PIAS1: variants seen among roughly 807,000 people sequenced by gnomAD.
PIAS1 encodes the protein protein inhibitor of activated STAT 1.
Under a neutral mutation model 71.3 loss-of-function variants are expected in PIAS1, and 6 were observed. The observed-to-expected ratio is 0.08, with a 90% CI of 0.05 to 0.17. PIAS1 has a LOEUF of 0.17. PIAS1 is among the 10% of genes least tolerant of loss of function. The probability of loss-of-function intolerance (pLI) is 1.00; values close to 1 mark genes in which losing one functional copy is unlikely to be tolerated. For synonymous variants in PIAS1, 303 were observed against 292.9 expected (o/e 1.03, Z -0.35); for missense variants, 555 against 793.6 (o/e 0.70, Z 3.61).
chr15:68,109,139 C>T (rs1314534485), intron 2 of PIAS1, among the ~76,000 whole-genome samples: 2 of 152,150 alleles, frequency 1.3e-5, no homozygotes, highest in African/African-American at 4.8e-5. Context: ...TGTGTATGCT[C>T]TTGTCTTGGG....
In PIAS1 at chr15:68,098,960, G is replaced by A. The variant is rs372397452; in HGVS notation, c.469+12210G>A. Reference sequence around the variant, plus strand: ...TTGCCAAATTTCCCTCTAGAGAAAGGTGTGTTTGCTAATTTATAATCTTAC... The same window carrying A: ...TTGCCAAATTTCCCTCTAGAGAAAGATGTGTTTGCTAATTTATAATCTTAC... On this transcript the variant is annotated intron_variant, in intron 2 of 13. Coordinates refer to ENST00000249636, the MANE Select transcript of PIAS1 (RefSeq NM_016166.3). Among the ~76,000 whole-genome samples, 11 of 152,106 alleles carry A rather than the reference G, an allele frequency of 7.2e-5. 1 individual carries two copies. The highest frequency in any genetic ancestry group is 5.8e-4 in the East Asian group (3 of 5,196).
In PIAS1 at chr15:68,187,497, G is replaced by A. The variant is rs1192721642; in HGVS notation, c.1663-45G>A. ...CGCTGAGGAGAAAATATATTAATTT[G>A]GAAGTATAATTAACATTTTTGTGTC... On this transcript the variant is annotated intron_variant, in intron 13 of 13. Transcript: ENST00000249636. The surrounding 1 kb of genome is among the most constrained non-coding windows in gnomAD (Gnocchi z 5.3). 6.6e-7 allele frequency: 1 copy of A among 1,522,556 alleles called. No individual in the cohort carries two copies. The highest frequency in any genetic ancestry group is 9.1e-7 in the Non-Finnish European group (1 of 1,100,658). 94.3% of individuals were successfully genotyped at this position (1,522,556 alleles called of 1,614,324 possible).
In PIAS1 at chr15:68,173,772, C is replaced by T. The variant is rs1476119019; in HGVS notation, c.1049C>T (p.Thr350Ile). Residue 350 changes from threonine (T) to isoleucine (I), a missense_variant, in exon 9 of 14, where the codon ACA (threonine) becomes ATA (isoleucine). Thr to Ile is a moderately conservative substitution (Grantham distance 89). Around this residue, in one of 5 missense-constraint regions of PIAS1, gnomAD observed 49 missense variants for 129.2 expected, o/e 0.38. Coordinates refer to ENST00000249636, the MANE Select transcript of PIAS1 (RefSeq NM_016166.3). The surrounding 1 kb of genome is among the most constrained non-coding windows in gnomAD (Gnocchi z 4.3). ...CTGACAATTCCGTGTCGGGCCCTTA[C>T]ATGTTCTCATCTACAATGTTTTGAC... is the stretch of plus-strand genomic sequence containing the variant. Reference protein sequence around the residue: ...MRLTIPCRALTCSHLQCFDAT... With the variant: ...MRLTIPCRALICSHLQCFDAT... 1 of 1,582,340 alleles carries T rather than the reference C, an allele frequency of 6.3e-7. No homozygotes were observed. Among genetic ancestry groups the T allele is most frequent in the Admixed American group, 1.7e-5 (1 of 58,710 alleles).
chr15:68,074,569 A>G (rs1032236362), intron 1 of PIAS1, among the ~76,000 whole-genome samples: 2 of 152,338 alleles, frequency 1.3e-5, no homozygotes, highest in Admixed American at 6.5e-5. Flanking sequence ...GGTATTAAGA[A>G]TGAGTTTTCA....
chr15:68,063,596 ATG>A (rs1297823196), intron 1 of PIAS1, among the ~76,000 whole-genome samples: 1 of 152,060 alleles, frequency 6.6e-6, no homozygotes, highest in Non-Finnish European at 1.5e-5. Context: ...ATTATCACAT[ATG>A]TGTGTATATT....
intron 1 of PIAS1, among the ~76,000 whole-genome samples, chr15:68,070,963 C>CGT (rs1567026934): frequency 6.6e-6 from 1 of 151,838 alleles, no homozygotes; most frequent in African/African-American, 2.4e-5. Context: ...TTTAAAATTA[C>CGT]GTGTGTGTCT....
At position 68,141,943 on chromosome 15, in the gene PIAS1, T is replaced by C. The variant is rs1391268426; in HGVS notation, c.470-3T>C. ...TTGAAAGTATAATTCTTGTCTTCTT[T>C]AGCATCAGACAACAGTCAGCGCTTT... On this transcript the variant is annotated splice_region_variant and splice_polypyrimidine_tract_variant and intron_variant, in intron 2 of 13. Transcript: ENST00000249636. 1 of 1,587,782 alleles carries C rather than the reference T, an allele frequency of 6.3e-7. No homozygotes were observed. The highest frequency in any genetic ancestry group is 8.6e-7 in the Non-Finnish European group (1 of 1,162,276).
rs150252816 is a variant in PIAS1, at chr15:68,191,508, A to G, written c.*3673A>G. 2.0e-5 allele frequency: 3 copies of G among 152,678 alleles called. No individual in the cohort carries two copies. Among genetic ancestry groups the G allele is most frequent in the African/African-American group, 2.4e-5 (1 of 41,446 alleles). 9.5% of individuals were successfully genotyped at this position (152,678 alleles called of 1,614,324 possible). A position where few individuals can be genotyped will look rare whatever the true frequency, so the allele number is the denominator to read the frequency against. On this transcript the variant is annotated 3_prime_UTR_variant, in exon 14 of 14. Transcript: ENST00000249636. ...ACACTGCTGGATGTTCAAGGGGACAATCCCTATGAGACAAGTGATAATGGT... is the reference window on the plus strand; with the variant it reads ...ACACTGCTGGATGTTCAAGGGGACAGTCCCTATGAGACAAGTGATAATGGT...
At chr15:68,153,784 T>G in intron 7 of PIAS1, 89 bp downstream of exon 7, 1 of 692,890 alleles carries the variant, frequency 1.4e-6, no homozygotes, top group Non-Finnish European at 2.6e-6. Flanking sequence ...TTAGAATTTG[T>G]TTATTCACTG....
intron 12 of PIAS1, among the ~76,000 whole-genome samples, chr15:68,183,097 TTG>T (rs1303221507): frequency 6.6e-6 from 1 of 152,194 alleles, no homozygotes; most frequent in African/African-American, 2.4e-5. Context: ...AGTAGCCAGT[TTG>T]CAGGCACTCA....
At chr15:68,124,532 G>A (rs2092636631) in intron 2 of PIAS1, among the ~76,000 whole-genome samples, 1 of 151,990 alleles carries the variant, frequency 6.6e-6, no homozygotes, top group South Asian at 2.1e-4. Context: ...GACCAGTCTG[G>A]CCAACATGGT....
rs2093095267 is a variant in PIAS1 at position 68,187,478 on chromosome 15, G to A, written c.1663-64G>A. 6.9e-7 allele frequency: 1 copy of A among 1,444,376 alleles called. No individual in the cohort carries two copies. The highest frequency in any genetic ancestry group is 1.2e-5 in the South Asian group (1 of 82,704). 89.5% of individuals were successfully genotyped at this position (1,444,376 alleles called of 1,614,324 possible). On this transcript the variant is annotated intron_variant, in intron 13 of 13. Transcript: ENST00000249636. This position sits in a 1 kb window ranked among gnomAD's most constrained non-coding sequence, Gnocchi z 5.3. Reference sequence around the variant, plus strand: ...TAAATTTAGGGCTGTGTCCCGCTGAGGAGAAAATATATTAATTTGGAAGTA... The same window carrying A: ...TAAATTTAGGGCTGTGTCCCGCTGAAGAGAAAATATATTAATTTGGAAGTA...
rs1367719108 is a variant in PIAS1 at position 68,086,081 on chromosome 15, T to C, written c.25-225T>C. ...TGTATACTTTATCCTATATTTCTTA[T>C]AACCAAGGGTAGAAGTCAATGAATT... On this transcript the variant is annotated intron_variant, in intron 1 of 13. Coordinates refer to ENST00000249636, the MANE Select transcript of PIAS1 (RefSeq NM_016166.3). The surrounding 1 kb of genome is among the most constrained non-coding windows in gnomAD (Gnocchi z 7.2). 6.6e-6 allele frequency among the ~76,000 whole-genome samples: 1 copy of C among 152,208 alleles called. No homozygotes were observed. Among genetic ancestry groups the C allele is most frequent in the East Asian group, 1.9e-4 (1 of 5,206 alleles).
At chr15:68,144,622 T>C (rs2092795350) in intron 4 of PIAS1, among the ~76,000 whole-genome samples, 1 of 152,160 alleles carries the variant, frequency 6.6e-6, no homozygotes, top group African/African-American at 2.4e-5. Flanking sequence ...TTTTAACTAT[T>C]GCAGCCTAAA....
intron 7 of PIAS1, among the ~76,000 whole-genome samples, chr15:68,160,420 T>C (rs902193704): frequency 2.6e-5 from 4 of 152,224 alleles, no homozygotes; most frequent in Admixed American, 6.5e-5. Context: ...CAATTGACCA[T>C]AGATGTATAA....
In PIAS1 at chr15:68,127,619, CACAAAA is replaced by C. The variant is rs147629319; in HGVS notation, c.470-14320_470-14315del. ...CTCATTTGGGTTTATTCTTTTACAA[CACAAAA>C]ACAAAACAGGCAAGCAAAGAAAAAT... On this transcript the variant is annotated intron_variant, in intron 2 of 13. Coordinates refer to ENST00000249636, the MANE Select transcript of PIAS1 (RefSeq NM_016166.3). 6.1e-3 allele frequency among the ~76,000 whole-genome samples: 930 copies of C among 152,152 alleles called. 4 individuals carry two copies. The highest frequency in any genetic ancestry group is 0.032 in the East Asian group (167 of 5,186).
chr15:68,141,074 A>G (rs1386539713), intron 2 of PIAS1, among the ~76,000 whole-genome samples: 4 of 152,290 alleles, frequency 2.6e-5, no homozygotes, highest in Admixed American at 1.3e-4. Flanking sequence ...GTGGTGATGC[A>G]TGCCTATAGT....
At chr15:68,142,262 A>C (rs1370814114) in intron 3 of PIAS1, 28 bp from the exon 4 acceptor site, 1 of 1,569,480 alleles carries the variant, frequency 6.4e-7, no homozygotes, top group Non-Finnish European at 8.8e-7. Flanking sequence ...TTTAAAAGTA[A>C]TTGTAATTCC....
chr15:68,169,821 G>A (rs1200958764), intron 8 of PIAS1, among the ~76,000 whole-genome samples: 3 of 152,154 alleles, frequency 2.0e-5, no homozygotes, highest in African/African-American at 7.2e-5. Flanking sequence ...CAGGTACTGT[G>A]TAGTAAACGT....
Sources: allele counts gnomAD v4.1 joint callset (sites outside exome capture counted in the v4.1 genomes callset), GRCh38; gene constraint gnomAD v4.1.1; regional missense constraint gnomAD v4.1.1; non-coding constraint Gnocchi (gnomAD v3.1); transcripts MANE v1.5; gene names NCBI Gene and HGNC (gene_info 2026-07-23, HGNC 2026-07-21).